Variants in INVS observed in about 807,000 individuals in gnomAD.
INVS encodes inversin, also known as inversion of embryo turning homolog.
INVS carries 86 observed loss-of-function variants against 108.8 expected under a neutral mutation model. The observed-to-expected ratio is 0.79, with a 90% CI of 0.66 to 0.95. The LOEUF (loss-of-function observed/expected upper bound fraction) is 0.95, where lower values mean the gene tolerates loss of function less well. INVS is among the 40% of genes least tolerant of loss of function. The pLI is 0.00. For missense variants in INVS, 1,169 were observed against 1,297.4 expected (o/e 0.90, Z 1.52); for synonymous variants, 455 against 473.5 (o/e 0.96, Z 0.51).
At chr9:100,218,218 T>C (rs1172120474) in intron 3 of INVS, among the ~76,000 whole-genome samples, 1 of 152,178 alleles carries the variant, frequency 6.6e-6, no homozygotes, top group African/African-American at 2.4e-5. Context: ...CATTTATATA[T>C]ATATAGTGAG....
Position 100,240,108 on chromosome 9 carries a change from C to T in INVS, c.664C>T (p.Arg222Ter), listed in dbSNP as rs1409741643. ...SLLNWQDYEG[R>*]TPLHFAVADG... The stretch of plus-strand genomic sequence containing the variant: ...ACTGAACTGGCAAGACTACGAGGGT[C>T]GAACTCCTCTTCACTTTGCAGTTGC... The change falls in exon 6 of 17, where the codon CGA becomes TGA. Residue 222 changes from arginine to a stop codon, truncating the protein, a stop_gained. Coordinates refer to ENST00000262457, the MANE Select transcript of INVS (RefSeq NM_014425.5). LOFTEE classifies it high-confidence loss of function. 6.8e-6 allele frequency: 11 copies of T among 1,614,008 alleles called. No individual in the cohort carries two copies. The highest frequency in any genetic ancestry group is 5.0e-5 in the Admixed American group (3 of 60,000).
chr9:100,268,029 C>A (rs1434538266), intron 11 of INVS, among the ~76,000 whole-genome samples: 1 of 152,022 alleles, frequency 6.6e-6, no homozygotes, highest in African/African-American at 2.4e-5. Context: ...GGAAAGTGGT[C>A]CCGATCCCGA....
rs139930201 is a variant in INVS, at chr9:100,157,720, T to G, written c.273+31171T>G. On this transcript the variant is annotated intron_variant, in intron 3 of 16. Coordinates refer to ENST00000262457, the MANE Select transcript of INVS (RefSeq NM_014425.5). ...TCTAAATTTTATTTTGAGCCAGACT[T>G]TCCTGCCACCCTTCAATGGTGACAA... 2.5e-3 allele frequency among the ~76,000 whole-genome samples: 388 copies of G among 152,322 alleles called. 2 individuals carry two copies. The highest frequency in any genetic ancestry group is 8.9e-3 in the African/African-American group (371 of 41,564).
intron 3 of INVS, among the ~76,000 whole-genome samples, chr9:100,202,277 A>C (rs1360750800): frequency 6.6e-6 from 1 of 152,144 alleles, no homozygotes; most frequent in Non-Finnish European, 1.5e-5. Flanking sequence ...AAATACCTAA[A>C]TGGCTTCTGT....
At chr9:100,159,497 G>A (rs1829101676) in intron 3 of INVS, among the ~76,000 whole-genome samples, 2 of 152,130 alleles carry the variant, frequency 1.3e-5, no homozygotes, top group South Asian at 4.1e-4. Context: ...ACACCAGGTA[G>A]ACACAAAGCT....
At chr9:100,104,668 G>C (rs755017594) in intron 2 of INVS, 41 bp downstream of exon 2, 76 of 1,352,900 alleles carry the variant, frequency 5.6e-5, no homozygotes, top group Non-Finnish European at 4.5e-5. Context: ...AAAAGCAACT[G>C]TTTGTCCTGA....
chr9:100,195,970 A>G (rs74503451), intron 3 of INVS, among the ~76,000 whole-genome samples: 2,078 of 152,266 alleles, frequency 0.014, 36 homozygotes, highest in African/African-American at 0.048. Flanking sequence ...AGGTTTTCCT[A>G]TCAGGATTTG....
intron 14 of INVS, 98 bp from the exon 15 acceptor site, chr9:100,296,819 C>A: frequency 1.1e-6 from 1 of 948,958 alleles, no homozygotes; most frequent in Non-Finnish European, 1.7e-6. Flanking sequence ...ACCAGGAATT[C>A]AGCAAATACT....
chr9:100,140,846 CG>C (rs1243557664), intron 3 of INVS, among the ~76,000 whole-genome samples: 1 of 151,914 alleles, frequency 6.6e-6, no homozygotes, highest in Non-Finnish European at 1.5e-5. Flanking sequence ...GGCCTAGATA[CG>C]GTTTTGTATG....
At chr9:100,297,875 A>C in intron 15 of INVS, 61 bp from the exon 16 acceptor site, 1 of 1,537,660 alleles carries the variant, frequency 6.5e-7, no homozygotes, top group Non-Finnish European at 9.0e-7. Flanking sequence ...GGAATTCAGA[A>C]GTTGGTCAGG....
chr9:100,224,387 C>T (rs760242087), intron 3 of INVS, among the ~76,000 whole-genome samples: 5 of 152,100 alleles, frequency 3.3e-5, no homozygotes, highest in Non-Finnish European at 7.4e-5. Flanking sequence ...AGGCTGAGAA[C>T]CTGATCAGGC....
In INVS at chr9:100,183,746, G is replaced by A. The variant is rs1346976290; in HGVS notation, c.274-42316G>A. 4.9e-5 allele frequency among the ~76,000 whole-genome samples: 7 copies of A among 143,568 alleles called. No homozygotes were observed. The Admixed American group carries it at 5.0e-4, about 10-fold the overall frequency. The allele number at this position is 143,568 out of a possible 152,430, so 94.2% of individuals were successfully genotyped here. The stretch of plus-strand genomic sequence containing the variant: ...GCAGAGGTTGCAGTGAGCCGAGATC[G>A]CGCCACTGTACTCCAGCCTGGGCAA... On this transcript the variant is annotated intron_variant, in intron 3 of 16. Transcript: ENST00000262457.
At position 100,302,142 on chromosome 9, in the gene INVS, TAAGA is replaced by T. The variant is rs1833994628; in HGVS notation, c.*1469_*1472del. 1 of 1,122,374 alleles carries T rather than the reference TAAGA, an allele frequency of 8.9e-7. No homozygotes were observed. The highest frequency in any genetic ancestry group is 2.0e-5 in the South Asian group (1 of 51,250). The allele number at this position is 1,122,374 out of a possible 1,614,324, so 69.5% of individuals were successfully genotyped here. A position where few individuals can be genotyped will look rare whatever the true frequency, so the allele number is the denominator to read the frequency against. On this transcript the variant is annotated 3_prime_UTR_variant, in exon 17 of 17. Coordinates refer to ENST00000262457, the MANE Select transcript of INVS (RefSeq NM_014425.5). ...TATTACATCAGTCTTTTTCTTCAAA[TAAGA>T]TAGATGTGAATAAACAACTTCAAAC...
At chr9:100,191,322 T>A (rs1180745215) in intron 3 of INVS, among the ~76,000 whole-genome samples, 1 of 152,200 alleles carries the variant, frequency 6.6e-6, no homozygotes, top group Admixed American at 6.5e-5. Context: ...AGTGATTCTT[T>A]GGTTTGGCAA....
intron 5 of INVS, among the ~76,000 whole-genome samples, chr9:100,232,478 G>T (rs1041948751): frequency 6.6e-6 from 1 of 152,138 alleles, no homozygotes; most frequent in Admixed American, 6.5e-5. Flanking sequence ...GCATTTTTAT[G>T]ATTTTAGGTC....
In INVS at chr9:100,294,856, C is replaced by T. The variant is rs1833741424; in HGVS notation, c.2786+1813C>T. ...TTGGACACTTGTGCCACTGTTCAAA[C>T]TAGTTTTACCTGTGCATGTAATCGT... On this transcript the variant is annotated intron_variant, in intron 14 of 16. Coordinates refer to ENST00000262457, the MANE Select transcript of INVS (RefSeq NM_014425.5). Among the ~76,000 whole-genome samples the T allele has an allele frequency of 2.0e-5, 3 of 152,184 alleles. No homozygotes were observed. The South Asian group carries it at 6.2e-4, about 32-fold the overall frequency.
intron 12 of INVS, among the ~76,000 whole-genome samples, chr9:100,280,898 G>A (rs1833253865): frequency 6.6e-6 from 1 of 151,968 alleles, no homozygotes; most frequent in African/African-American, 2.4e-5. Flanking sequence ...GACAAGCCTG[G>A]GCAACATAGG....
rs752701878 is a variant in INVS, at chr9:100,298,068, T to C, written c.3091+58T>C. Reference sequence around the variant, plus strand: ...AAGAACATGGGGAAGCATTTTCCTTTGTTTCATCCCCAAAGACAGAAGACA... The same window carrying C: ...AAGAACATGGGGAAGCATTTTCCTTCGTTTCATCCCCAAAGACAGAAGACA... On this transcript the variant is annotated intron_variant, in intron 16 of 16. Coordinates refer to ENST00000262457, the MANE Select transcript of INVS (RefSeq NM_014425.5). 5 of 1,613,240 alleles carry C rather than the reference T, an allele frequency of 3.1e-6. No homozygotes were observed. In the South Asian group the frequency reaches 4.4e-5, roughly 14 times the overall value.
chr9:100,124,601 A>T lies in INVS; in HGVS notation c.107-1782A>T, dbSNP rs188538242. The stretch of plus-strand genomic sequence containing the variant: ...AAACAGTCTATTATGTTTCTCACAT[A>T]TTTACATTCTGCTTCTCTTTTTTCA... On this transcript the variant is annotated intron_variant, in intron 2 of 16. Transcript: ENST00000262457. Among the ~76,000 whole-genome samples, 401 of 150,416 alleles carry T rather than the reference A, an allele frequency of 2.7e-3. 1 individual carries two copies. The highest frequency in any genetic ancestry group is 3.9e-3 in the Non-Finnish European group (262 of 67,666).
Sources: gnomAD v4.1 joint callset for allele counts (sites outside exome capture counted in the v4.1 genomes callset) on GRCh38, gnomAD v4.1.1 for gene constraint, MANE v1.5 for transcripts, NCBI Gene and HGNC (gene_info 2026-07-23, HGNC 2026-07-21) for gene names.